The following TECRL variants were observed in gnomAD, a reference collection of about 807,000 sequenced individuals.
TECRL encodes trans-2,3-enoyl-CoA reductase like, also known as trans-2,3-enoyl-CoA reductase-like.
A neutral mutation model predicts 52.8 loss-of-function variants in TECRL; 63 were observed. The observed-to-expected ratio is 1.19, with a 90% CI of 0.97 to 1.47. TECRL has a LOEUF of 1.47. Among genes scored for constraint, TECRL ranks in the 40% most tolerant of loss-of-function variants. TECRL has a pLI of 0.00. For synonymous variants in TECRL, 164 were observed against 141.9 expected (o/e 1.16, Z -1.10); for missense variants, 482 against 429.6 (o/e 1.12, Z -1.08).
At chr4:64,310,229 A>G (rs910673783) in intron 5 of TECRL, among the ~76,000 whole-genome samples, 8 of 152,216 alleles carry the variant, frequency 5.3e-5, no homozygotes, top group African/African-American at 1.9e-4. Flanking sequence ...GTATAAATAT[A>G]ATAATTGCAA....
At chr4:64,300,774 G>A (rs972194969) in intron 7 of TECRL, among the ~76,000 whole-genome samples, 19 of 150,776 alleles carry the variant, frequency 1.3e-4, no homozygotes, top group African/African-American at 4.6e-4. Flanking sequence ...TAAAATGTGC[G>A]TTTTTCACCT....
chr4:64,404,233 A>AAAAG (rs1237860517), intron 1 of TECRL, among the ~76,000 whole-genome samples: 1 of 151,538 alleles, frequency 6.6e-6, no homozygotes. Context: ...AAAAAAAAAA[A>AAAAG]AAACAATAGG....
intron 7 of TECRL, among the ~76,000 whole-genome samples, chr4:64,302,133 A>G (rs1724057820): frequency 6.6e-6 from 1 of 151,308 alleles, no homozygotes; most frequent in South Asian, 2.1e-4. Flanking sequence ...AATTTTGATA[A>G]TCTATTTCAT....
At chr4:64,332,508 C>T (rs139660666) in intron 2 of TECRL, among the ~76,000 whole-genome samples, 16 of 151,818 alleles carry the variant, frequency 1.1e-4, no homozygotes, top group East Asian at 1.9e-4. Context: ...TAAAATAGAA[C>T]GAAGAATGCT....
intron 1 of TECRL, among the ~76,000 whole-genome samples, chr4:64,387,717 C>A (rs1723275256): frequency 6.6e-6 from 1 of 151,830 alleles, no homozygotes; most frequent in Non-Finnish European, 1.5e-5. Flanking sequence ...CTGTTAAGTT[C>A]TTTGGCCCAT....
chr4:64,303,210 C>G (rs181958580), intron 7 of TECRL, among the ~76,000 whole-genome samples: 3 of 148,212 alleles, frequency 2.0e-5, no homozygotes, highest in African/African-American at 7.3e-5. Context: ...TTTTTTGCAG[C>G]ATAAATATAG....
chr4:64,389,795 A>G (rs991041801), intron 1 of TECRL, among the ~76,000 whole-genome samples: 3 of 151,904 alleles, frequency 2.0e-5, no homozygotes, highest in Non-Finnish European at 4.4e-5. Context: ...CTATTCAAAA[A>G]TGAAAGATAA....
chr4:64,298,277 A>G (rs908792680), intron 8 of TECRL, among the ~76,000 whole-genome samples: 5 of 151,270 alleles, frequency 3.3e-5, no homozygotes, highest in African/African-American at 9.7e-5. Context: ...CTATTACACC[A>G]TCTATCAGTG....
chr4:64,396,188 T>C (rs1723937739), intron 1 of TECRL, among the ~76,000 whole-genome samples: 1 of 152,292 alleles, frequency 6.6e-6, no homozygotes, highest in Non-Finnish European at 1.5e-5. Context: ...TGTGGAAATA[T>C]GAATGGAATT....
chr4:64,307,165 G>A (rs1263988731), intron 6 of TECRL, among the ~76,000 whole-genome samples: 3 of 152,142 alleles, frequency 2.0e-5, no homozygotes, highest in African/African-American at 7.2e-5. Flanking sequence ...ATCTGGCTCT[G>A]TCCATTACCT....
At chr4:64,343,814 T>C (rs1364508288) in intron 2 of TECRL, among the ~76,000 whole-genome samples, 5 of 152,164 alleles carry the variant, frequency 3.3e-5, no homozygotes, top group African/African-American at 9.6e-5. Context: ...TGTCAAAAGA[T>C]TAACCTCAAT....
chr4:64,301,838 G>A (rs968272583), intron 7 of TECRL, among the ~76,000 whole-genome samples: 5 of 150,998 alleles, frequency 3.3e-5, no homozygotes, highest in East Asian at 1.9e-4. Context: ...AACAAGTATC[G>A]AGTGAAGAGT....
chr4:64,311,729 ATAT>A (rs1259614804), intron 5 of TECRL, among the ~76,000 whole-genome samples: 1 of 152,188 alleles, frequency 6.6e-6, no homozygotes, highest in Non-Finnish European at 1.5e-5. Context: ...TTATTTCAAA[ATAT>A]TATTATTCTA....
intron 2 of TECRL, among the ~76,000 whole-genome samples, chr4:64,360,671 G>A (rs1335640810): frequency 6.6e-6 from 1 of 152,088 alleles, no homozygotes; most frequent in Non-Finnish European, 1.5e-5. Flanking sequence ...CAGATCCTGG[G>A]TTAAAAGGGG....
chr4:64,330,101 A>T (rs1178787351), intron 2 of TECRL, among the ~76,000 whole-genome samples: 1 of 151,980 alleles, frequency 6.6e-6, no homozygotes, highest in African/African-American at 2.4e-5. Flanking sequence ...AAGTAACCAA[A>T]ATATGTTTAT....
In TECRL at chr4:64,344,082, A is replaced by G. The variant is rs1719775443; in HGVS notation, c.287-15526T>C. ...TCCAATGCAAACCAGCTAGGTTACC[A>G]TTTGCATTGATTTGTTTTTCAATTG... On this transcript the variant is annotated intron_variant, in intron 2 of 11. Coordinates refer to ENST00000381210, the MANE Select transcript of TECRL (RefSeq NM_001010874.5). Among the ~76,000 whole-genome samples, 3 of 152,130 alleles carry G rather than the reference A, an allele frequency of 2.0e-5. No homozygotes were observed. In the South Asian group the frequency reaches 6.2e-4, roughly 32 times the overall value.
At chr4:64,343,939 AT>A (rs1452883943) in intron 2 of TECRL, among the ~76,000 whole-genome samples, 2 of 152,058 alleles carry the variant, frequency 1.3e-5, no homozygotes, top group Non-Finnish European at 2.9e-5. Context: ...TTTTAAAAAA[AT>A]ACCAGAAAAC....
At chr4:64,324,830 T>C (rs1371422870) in intron 3 of TECRL, among the ~76,000 whole-genome samples, 1 of 152,148 alleles carries the variant, frequency 6.6e-6, no homozygotes, top group South Asian at 2.1e-4. Flanking sequence ...GTGAATGTAG[T>C]CCTGTGTTTA....
intron 2 of TECRL, among the ~76,000 whole-genome samples, chr4:64,352,562 A>T (rs968382689): frequency 5.9e-5 from 9 of 152,228 alleles, no homozygotes; most frequent in African/African-American, 2.2e-4. Context: ...TTTTATTGTT[A>T]CATGTATCAC....
Sources: gnomAD v4.1 joint callset for allele counts (sites outside exome capture counted in the v4.1 genomes callset) on GRCh38, gnomAD v4.1.1 for gene constraint, MANE v1.5 for transcripts, NCBI Gene and HGNC (gene_info 2026-07-23, HGNC 2026-07-21) for gene names.